The following RASA2 variants were observed in gnomAD, a reference collection of about 807,000 sequenced individuals.
RASA2 encodes ras GTPase-activating protein 2.
RASA2 carries 155 observed loss-of-function variants against 118.2 expected under a neutral mutation model. That is an observed-to-expected ratio of 1.31 (90% CI 1.15 to 1.50). The LOEUF (loss-of-function observed/expected upper bound fraction) is 1.50. Among genes scored for constraint, RASA2 ranks in the 40% most tolerant of loss-of-function variants. The pLI is 0.00. For missense variants in RASA2, 1,016 were observed against 1,009.6 expected (o/e 1.01, Z -0.09); for synonymous variants, 353 against 349.1 (o/e 1.01, Z -0.12).
intron 3 of RASA2, among the ~76,000 whole-genome samples, chr3:141,518,651 CTA>C: frequency 6.6e-6 from 1 of 151,668 alleles, no homozygotes; most frequent in African/African-American, 2.4e-5. Context: ...AATCTGGCTT[CTA>C]TGTTTTTTTG....
intron 3 of RASA2, 78 bp from the exon 4 acceptor site, chr3:141,529,630 A>G (rs2082230901): frequency 2.2e-6 from 2 of 901,660 alleles, no homozygotes; most frequent in South Asian, 4.2e-5. Flanking sequence ...TCTATAAAGT[A>G]TTATATAAAA....
At chr3:141,529,199 A>G (rs898999023) in intron 3 of RASA2, among the ~76,000 whole-genome samples, 1 of 152,074 alleles carries the variant, frequency 6.6e-6, no homozygotes, top group Non-Finnish European at 1.5e-5. Context: ...TAAAATTGTT[A>G]TAATCTCCCA....
At chr3:141,504,829 C>T (rs1234770190) in intron 1 of RASA2, among the ~76,000 whole-genome samples, 3 of 152,128 alleles carry the variant, frequency 2.0e-5, no homozygotes, top group African/African-American at 7.2e-5. Flanking sequence ...CTTACTATCT[C>T]CTCCCTCTCC....
At position 141,566,329 on chromosome 3, in the gene RASA2, C is replaced by A. The variant is rs1288912892; in HGVS notation, c.864-4583C>A. ...AAGCATTCTTGCCAGAACATCAAAT[C>A]TGAATCTAACCAAGCCTCTAGATCT... On this transcript the variant is annotated intron_variant, in intron 9 of 23. Coordinates refer to ENST00000286364, the MANE Select transcript of RASA2 (RefSeq NM_006506.5). 3.3e-5 allele frequency among the ~76,000 whole-genome samples: 5 copies of A among 152,308 alleles called. No homozygotes were observed. In the East Asian group the frequency reaches 9.7e-4, roughly 29 times the overall value.
Position 141,612,429 on chromosome 3 carries a change from G to C in RASA2, c.*116G>C. 1 of 747,670 alleles carries C rather than the reference G, an allele frequency of 1.3e-6. No individual in the cohort carries two copies. The highest frequency in any genetic ancestry group is 2.2e-6 in the Non-Finnish European group (1 of 462,522). The allele number at this position is 747,670 out of a possible 1,614,324, so 46.3% of individuals were successfully genotyped here. A position where few individuals can be genotyped will look rare whatever the true frequency, so the allele number is the denominator to read the frequency against. On this transcript the variant is annotated 3_prime_UTR_variant, in exon 24 of 24. Coordinates refer to ENST00000286364, the MANE Select transcript of RASA2 (RefSeq NM_006506.5). ...ATGAGCATCCGCTTCAATGTCATCT[G>C]CCTCCACATTGTATTTAATATTTAA...
At chr3:141,569,932 G>A (rs1031240200) in intron 9 of RASA2, among the ~76,000 whole-genome samples, 2 of 152,074 alleles carry the variant, frequency 1.3e-5, no homozygotes, top group African/African-American at 4.8e-5. Flanking sequence ...GTGGCCTCCA[G>A]CAGCATCCAT....
chr3:141,506,926 A>AAAAAAAAGAAAAAG (rs2081877181), intron 1 of RASA2, among the ~76,000 whole-genome samples: 1 of 151,902 alleles, frequency 6.6e-6, no homozygotes, highest in African/African-American at 2.4e-5. Context: ...AAAAAAAAAA[A>AAAAAAAAGAAAAAG]AAAAAAGAAA....
At chr3:141,510,726 C>T (rs1336758628) in intron 1 of RASA2, among the ~76,000 whole-genome samples, 4 of 152,036 alleles carry the variant, frequency 2.6e-5, no homozygotes, top group African/African-American at 9.7e-5. Context: ...GACAAAAGCC[C>T]TAAACTTGAA....
At chr3:141,503,783 T>TAGTAG (rs2081821353) in intron 1 of RASA2, among the ~76,000 whole-genome samples, 2 of 152,200 alleles carry the variant, frequency 1.3e-5, no homozygotes, top group South Asian at 4.1e-4. Context: ...CCTAGCAGCT[T>TAGTAG]AGTAGGTACT....
At chr3:141,561,453 T>C (rs1168082787) in intron 9 of RASA2, among the ~76,000 whole-genome samples, 1 of 152,192 alleles carries the variant, frequency 6.6e-6, no homozygotes, top group African/African-American at 2.4e-5. Flanking sequence ...GCCCATGATA[T>C]TTTAAAGTAA....
intron 1 of RASA2, among the ~76,000 whole-genome samples, chr3:141,508,676 C>G (rs2081905653): frequency 2.6e-5 from 4 of 152,100 alleles, no homozygotes; most frequent in Admixed American, 2.6e-4. Context: ...CTGCGCCCAG[C>G]CTGTTAGTGT....
chr3:141,521,553 A>G (rs2082111503), intron 3 of RASA2, among the ~76,000 whole-genome samples: 1 of 152,200 alleles, frequency 6.6e-6, no homozygotes, highest in Non-Finnish European at 1.5e-5. Context: ...AAATAGCAGC[A>G]TAAAGTTGAG....
intron 3 of RASA2, among the ~76,000 whole-genome samples, chr3:141,526,617 T>C (rs1490406329): frequency 6.6e-6 from 1 of 152,228 alleles, no homozygotes; most frequent in Non-Finnish European, 1.5e-5. Context: ...GCCATTCTTA[T>C]ATATCATTTT....
intron 8 of RASA2, among the ~76,000 whole-genome samples, chr3:141,559,252 A>C (rs1433066303): frequency 6.6e-6 from 1 of 152,128 alleles, no homozygotes; most frequent in East Asian, 1.9e-4. Context: ...TTTCTGGATT[A>C]TAGTGTAATG....
intron 5 of RASA2, 121 bp downstream of exon 5, chr3:141,540,730 G>T: frequency 1.3e-6 from 1 of 760,762 alleles, no homozygotes; most frequent in Non-Finnish European, 2.1e-6. Context: ...ATTCTGCTAT[G>T]TCATTCCTTT....
intron 5 of RASA2, among the ~76,000 whole-genome samples, chr3:141,542,496 A>AT (rs1177462121): frequency 6.6e-6 from 1 of 151,974 alleles, no homozygotes; most frequent in Non-Finnish European, 1.5e-5. Context: ...TGGCAGTTTG[A>AT]TTTTTTTCCC....
intron 19 of RASA2, among the ~76,000 whole-genome samples, chr3:141,591,387 A>G (rs1577800849): frequency 6.6e-6 from 1 of 152,162 alleles, no homozygotes; most frequent in Non-Finnish European, 1.5e-5. Flanking sequence ...TGGCTACCTC[A>G]GTGTAGCCAT....
At position 141,492,587 on chromosome 3, in the gene RASA2, C is replaced by T. The variant is rs150713320; in HGVS notation, c.133+5371C>T. 3.9e-3 allele frequency among the ~76,000 whole-genome samples: 594 copies of T among 152,240 alleles called. 6 individuals carry two copies. Among genetic ancestry groups the T allele is most frequent in the African/African-American group, 0.013 (537 of 41,562 alleles). On this transcript the variant is annotated intron_variant, in intron 1 of 23. Coordinates refer to ENST00000286364, the MANE Select transcript of RASA2 (RefSeq NM_006506.5). ...GCAAATTCTTTAACCTTGCTGAGCC[C>T]GTATTTCCTTACTTGTAAAATTAGA...
At chr3:141,490,335 C>CAAAA (rs3075070) in intron 1 of RASA2, among the ~76,000 whole-genome samples, 5 of 93,720 alleles carry the variant, frequency 5.3e-5, no homozygotes, top group Non-Finnish European at 1.1e-4. Context: ...CTCCTCCCCT[C>CAAAA]AAAAAAAAAA....
Sources: allele counts gnomAD v4.1 joint callset (sites outside exome capture counted in the v4.1 genomes callset), GRCh38; gene constraint gnomAD v4.1.1; transcripts MANE v1.5; gene names NCBI Gene and HGNC (gene_info 2026-07-23, HGNC 2026-07-21).